EMC3: variants seen among roughly 807,000 people sequenced by gnomAD.
The protein encoded by EMC3 is 30 kDa protein.
EMC3 carries 13 observed loss-of-function variants against 36.6 expected under a neutral mutation model. The ratio of observed to expected loss-of-function variants is 0.35; its 90% CI spans 0.23 to 0.56. The LOEUF (loss-of-function observed/expected upper bound fraction) is 0.56. Ranked by LOEUF, EMC3 falls within the 20% of genes least tolerant of loss-of-function variation. EMC3 has a pLI of 0.84. For missense variants in EMC3, 220 were observed against 324.5 expected, an observed-to-expected ratio of 0.68 and a Z score of 2.47; for synonymous variants, 120 against 111.9, an observed-to-expected ratio of 1.07 and a Z score of -0.46.
chr3:9,965,205 A>G (rs1044639317), intron 7 of EMC3, among the ~76,000 whole-genome samples: 29 of 152,012 alleles, frequency 1.9e-4, no homozygotes, highest in African/African-American at 6.8e-4. Context: ...ATGGGAGTTC[A>G]AGACCAGCCT....
At chr3:9,972,463 A>G (rs1356819274) in intron 5 of EMC3, among the ~76,000 whole-genome samples, 7 of 76,132 alleles carry the variant, frequency 9.2e-5, no homozygotes, top group African/African-American at 4.4e-4. Context: ...AGTTTCAATG[A>G]AAAAAAAAAA....
intron 1 of EMC3, among the ~76,000 whole-genome samples, chr3:9,991,898 T>C (rs200223405): frequency 2.6e-4 from 39 of 152,306 alleles, no homozygotes; most frequent in East Asian, 2.1e-3. Flanking sequence ...TCATAAGGAA[T>C]GTGCAGCCTA....
Position 9,964,115 on chromosome 3 carries a change from T to C in EMC3, c.740A>G (p.His247Arg). The C allele has an allele frequency of 6.2e-7, 1 of 1,614,148 alleles. No individual in the cohort carries two copies. The highest frequency in any genetic ancestry group is 8.5e-7 in the Non-Finnish European group (1 of 1,180,034). Residue 247 changes from histidine to arginine, a missense_variant, in exon 8 of 8, where the codon CAC (histidine) becomes CGC (arginine). Transcript: ENST00000245046. ...TTCCTTTTTGAACATGCCTTCGAAG[T>C]GGAGGTCTTTGGCCATGAGCTCTTC... Reference protein sequence around the residue: ...VEEELMAKDLHFEGMFKKELQ... With the variant: ...VEEELMAKDLRFEGMFKKELQ...
upstream of EMC3, chr3:9,987,829 G>A: frequency 3.3e-6 from 2 of 601,234 alleles, no homozygotes; most frequent in Non-Finnish European, 6.2e-6. Flanking sequence ...TCAGGAGATT[G>A]TCATGGTTGA....
At chr3:9,976,720 T>G (rs2085853913) in intron 3 of EMC3, among the ~76,000 whole-genome samples, 2 of 152,224 alleles carry the variant, frequency 1.3e-5, no homozygotes, top group African/African-American at 4.8e-5. Flanking sequence ...CCCCACTCCA[T>G]CAGCTGAGAA....
chr3:9,980,337 T>C (rs2085896534), intron 1 of EMC3, among the ~76,000 whole-genome samples: 1 of 151,416 alleles, frequency 6.6e-6, no homozygotes, highest in African/African-American at 2.4e-5. Context: ...TTTTGATCAC[T>C]GTCTTAAGAG....
chr3:10,003,178 A>C, intron 1 of EMC3: 1 of 456,720 alleles, frequency 2.2e-6, no homozygotes, highest in Admixed American at 2.3e-5. Flanking sequence ...CACCAGTAGC[A>C]GTGGCAGAGA....
At chr3:10,007,413 G>A (rs371082514) in intron 1 of EMC3, 5 of 1,366,302 alleles carry the variant, frequency 3.7e-6, no homozygotes, top group African/African-American at 1.5e-5. Flanking sequence ...CAGTGGCGGG[G>A]TGTGGTCCCC....
Position 9,963,477 on chromosome 3 carries a change from A to ATTTTTTTTTTT in EMC3, c.*581_*591dup, listed in dbSNP as rs1642284. On this transcript the variant is annotated 3_prime_UTR_variant, in exon 8 of 8. Coordinates refer to ENST00000245046, the MANE Select transcript of EMC3 (RefSeq NM_001394674.1). Reference sequence around the variant, plus strand: ...TAGATATATATATATATATATATATATTTTTTTTTTTTTTTCAGATGGAGT... The same window carrying ATTTTTTTTTTT: ...TAGATATATATATATATATATATATATTTTTTTTTTTTTTTTTTTTTTTTTTCAGATGGAGT... The ATTTTTTTTTTT allele has an allele frequency of 1.1e-5, 1 of 88,926 alleles. No individual in the cohort carries two copies. The highest frequency in any genetic ancestry group is 4.7e-5 in the African/African-American group (1 of 21,328). 5.5% of individuals were successfully genotyped at this position (88,926 alleles called of 1,614,324 possible).
In EMC3 at chr3:9,986,799, G is replaced by A; in HGVS notation, c.-138C>T. On this transcript the variant is annotated 5_prime_UTR_variant, in exon 1 of 8. Transcript: ENST00000245046. ...CCCCAGAACTCTCCTGCGACTGTGA[G>A]CCGAGCTTACTGCCTTCAGCTGGGC... 1.4e-6 allele frequency: 2 copies of A among 1,458,444 alleles called. No homozygotes were observed. The highest frequency in any genetic ancestry group is 2.4e-5 in the East Asian group (1 of 41,458). 90.3% of individuals were successfully genotyped at this position (1,458,444 alleles called of 1,614,324 possible).
intron 1 of EMC3, among the ~76,000 whole-genome samples, chr3:9,996,120 A>G (rs1346282236): frequency 6.6e-6 from 1 of 152,162 alleles, no homozygotes; most frequent in Non-Finnish European, 1.5e-5. Flanking sequence ...AAACATCTCC[A>G]TCTAATGTGA....
At chr3:9,988,392 G>A, upstream of EMC3, 1 of 1,255,904 alleles carries the variant, frequency 8.0e-7, no homozygotes, top group Non-Finnish European at 1.2e-6. Flanking sequence ...AATCAAGAAA[G>A]CAGCGGTCAG....
Position 9,963,379 on chromosome 3 carries a change from T to C in EMC3, c.*690A>G, listed in dbSNP as rs373960896. ...AAAACAGGAGTTTACTGTGGCTAGA[T>C]GTCAGGCTGACTGCACATAATCATT... is the stretch of plus-strand genomic sequence containing the variant. On this transcript the variant is annotated 3_prime_UTR_variant, in exon 8 of 8. Coordinates refer to ENST00000245046, the MANE Select transcript of EMC3 (RefSeq NM_001394674.1). The C allele has an allele frequency of 6.6e-6, 1 of 151,302 alleles. No individual in the cohort carries two copies. Among genetic ancestry groups the C allele is most frequent in the East Asian group, 1.9e-4 (1 of 5,192 alleles). The allele number at this position is 151,302 out of a possible 1,614,324, so 9.4% of individuals were successfully genotyped here.
chr3:10,001,006 C>G (rs55840655), intron 1 of EMC3: 1 of 248,620 alleles, frequency 4.0e-6, no homozygotes, highest in Non-Finnish European at 8.5e-6. Flanking sequence ...AGCCGGACAA[C>G]CCACTCTTTA....
chr3:10,002,891 T>A (rs1422628544), intron 1 of EMC3: 1 of 456,338 alleles, frequency 2.2e-6, no homozygotes, highest in Non-Finnish European at 4.4e-6. Flanking sequence ...CATGACCCCA[T>A]GGCCTTCCCC....
chr3:9,987,999 A>G, upstream of EMC3: 1 of 908,640 alleles, frequency 1.1e-6, no homozygotes, highest in Non-Finnish European at 1.8e-6. Flanking sequence ...AAAGTAAAGG[A>G]CAAGCAAGGT....
intron 1 of EMC3, among the ~76,000 whole-genome samples, chr3:9,992,316 G>C (rs1287144038): frequency 2.0e-5 from 3 of 151,870 alleles, no homozygotes; most frequent in Non-Finnish European, 4.4e-5. Context: ...AGTAGAAATG[G>C]GGTTTCACCG....
At chr3:9,978,019 TATC>T (rs1207457483) in intron 1 of EMC3, among the ~76,000 whole-genome samples, 2 of 151,616 alleles carry the variant, frequency 1.3e-5, no homozygotes, top group Admixed American at 6.6e-5. Context: ...GATCAATAAA[TATC>T]ATGCTAGGCC....
At chr3:10,003,209 A>C (rs748564239) in intron 1 of EMC3, 9 of 456,592 alleles carry the variant, frequency 2.0e-5, no homozygotes, top group Non-Finnish European at 4.0e-5. Context: ...TCCCTGACAC[A>C]GCAACAACCA....
Sources: gnomAD v4.1 joint callset for allele counts (sites outside exome capture counted in the v4.1 genomes callset) on GRCh38, gnomAD v4.1.1 for gene constraint, MANE v1.5 for transcripts, NCBI Gene and HGNC (gene_info 2026-07-23, HGNC 2026-07-21) for gene names.